ADAMTSL1: variants seen among roughly 807,000 people sequenced by gnomAD.
ADAMTSL1 encodes the protein ADAMTS-like protein 1.
In ADAMTSL1, 126 loss-of-function variants were observed where a neutral mutation model predicts 201.8. The ratio of observed to expected loss-of-function variants is 0.62; its 90% CI spans 0.54 to 0.72. The LOEUF (loss-of-function observed/expected upper bound fraction) is 0.72. Ranked by LOEUF, ADAMTSL1 falls within the 30% of genes least tolerant of loss-of-function variation. The pLI is 0.00. For synonymous variants in ADAMTSL1, 1,121 were observed against 903.4 expected, an observed-to-expected ratio of 1.24 and a Z score of -4.32; for missense variants, 2,679 against 2,277.8, an observed-to-expected ratio of 1.18 and a Z score of -3.59.
intron 1 of ADAMTSL1, among the ~76,000 whole-genome samples, chr9:17,968,597 A>G (rs889361651): frequency 1.7e-4 from 26 of 152,028 alleles, no homozygotes; most frequent in African/African-American, 5.8e-4. Flanking sequence ...TGTAGTTAGG[A>G]GGATGTTCTC....
intron 20 of ADAMTSL1, among the ~76,000 whole-genome samples, chr9:18,805,035 T>C (rs1563815291): frequency 6.6e-6 from 1 of 152,242 alleles, no homozygotes; most frequent in East Asian, 1.9e-4. Flanking sequence ...ATCACTGTCT[T>C]TTTTGTGTTT....
At chr9:18,852,414 CT>C (rs1218741283) in intron 23 of ADAMTSL1, among the ~76,000 whole-genome samples, 1 of 152,180 alleles carries the variant, frequency 6.6e-6, no homozygotes, top group Non-Finnish European at 1.5e-5. Flanking sequence ...GCTCTTGCCC[CT>C]GGCCACTGGA....
At chr9:18,500,886 T>A (rs1404063644) in intron 1 of ADAMTSL1, among the ~76,000 whole-genome samples, 5 of 152,190 alleles carry the variant, frequency 3.3e-5, no homozygotes, top group African/African-American at 1.2e-4. Context: ...CTAAAGACCA[T>A]CATCTCACAT....
chr9:18,389,999 A>G (rs2133217769), intron 2 of ADAMTSL1, among the ~76,000 whole-genome samples: 1 of 152,306 alleles, frequency 6.6e-6, no homozygotes, highest in Non-Finnish European at 1.5e-5. Flanking sequence ...AGAATACAAT[A>G]TGTGCAATGA....
chr9:18,295,018 T>C (rs1221406500), intron 2 of ADAMTSL1, among the ~76,000 whole-genome samples: 1 of 152,094 alleles, frequency 6.6e-6, no homozygotes. Flanking sequence ...TGTGGCTGTC[T>C]CTCCCTTCTC....
chr9:18,848,748 G>C, intron 23 of ADAMTSL1, among the ~76,000 whole-genome samples: 1 of 152,194 alleles, frequency 6.6e-6, no homozygotes, highest in East Asian at 1.9e-4. Context: ...AGGCATTGTT[G>C]GCTATAAGGC....
chr9:18,308,976 G>T (rs1834013905), intron 2 of ADAMTSL1, among the ~76,000 whole-genome samples: 1 of 152,074 alleles, frequency 6.6e-6, no homozygotes, highest in Non-Finnish European at 1.5e-5. Flanking sequence ...ACATCAAAAA[G>T]CTTATCCACC....
At chr9:18,050,163 A>T (rs1261874911) in intron 1 of ADAMTSL1, among the ~76,000 whole-genome samples, 1 of 152,246 alleles carries the variant, frequency 6.6e-6, no homozygotes, top group Non-Finnish European at 1.5e-5. Flanking sequence ...AAGTCTCATT[A>T]TATAGAAGAC....
Position 18,170,743 on chromosome 9 carries a change from C to G in ADAMTSL1, c.207+6762C>G, listed in dbSNP as rs141803210. Among the ~76,000 whole-genome samples the G allele has an allele frequency of 4.2e-3, 646 of 152,176 alleles. 5 individuals are homozygous for G. The highest frequency in any genetic ancestry group is 0.015 in the African/African-American group (617 of 41,552). ...TAGTAAACTACTGGTTAGCAGGCCC[C>G]TCTCAGAAAGGCCAGCCCATGCTCT... On this transcript the variant is annotated intron_variant, in intron 2 of 29. Coordinates refer to the ADAMTSL1 transcript ENST00000680146.
chr9:17,922,568 C>G (rs1167641309), intron 1 of ADAMTSL1, among the ~76,000 whole-genome samples: 1 of 152,098 alleles, frequency 6.6e-6, no homozygotes, highest in Admixed American at 6.6e-5. Flanking sequence ...ACAGAGGATT[C>G]AGACACATTT....
intron 15 of ADAMTSL1, among the ~76,000 whole-genome samples, chr9:18,733,811 T>G (rs1419772264): frequency 6.6e-6 from 1 of 152,028 alleles, no homozygotes; most frequent in African/African-American, 2.4e-5. Flanking sequence ...GCCTTTTGAC[T>G]ACCCAAATTC....
intron 26 of ADAMTSL1, among the ~76,000 whole-genome samples, chr9:18,895,036 C>T (rs765065971): frequency 1.3e-5 from 2 of 152,184 alleles, no homozygotes; most frequent in African/African-American, 4.8e-5. Flanking sequence ...TTATTTTATA[C>T]ATACGGTGCA....
At chr9:18,604,649 C>G (rs1296353546) in intron 4 of ADAMTSL1, among the ~76,000 whole-genome samples, 1 of 152,006 alleles carries the variant, frequency 6.6e-6, no homozygotes, top group East Asian at 1.9e-4. Context: ...ACATTTTATC[C>G]ATTTGGCATC....
At chr9:18,285,188 G>A (rs1291938527) in intron 2 of ADAMTSL1, among the ~76,000 whole-genome samples, 4 of 152,082 alleles carry the variant, frequency 2.6e-5, no homozygotes, top group South Asian at 4.1e-4. Flanking sequence ...AAAAGTGTCC[G>A]TTCCTTTGTA....
At chr9:17,974,132 C>G (rs1191653820) in intron 1 of ADAMTSL1, among the ~76,000 whole-genome samples, 2 of 151,926 alleles carry the variant, frequency 1.3e-5, no homozygotes, top group African/African-American at 2.4e-5. Flanking sequence ...AACCCACAGC[C>G]AATATCATAC....
intron 23 of ADAMTSL1, among the ~76,000 whole-genome samples, chr9:18,855,078 A>G (rs1200650080): frequency 6.6e-6 from 1 of 152,184 alleles, no homozygotes; most frequent in African/African-American, 2.4e-5. Flanking sequence ...TGTGCCAAGA[A>G]TTCTGATATC....
chr9:18,714,401 T>C (rs1425401914), intron 14 of ADAMTSL1, among the ~76,000 whole-genome samples: 2 of 152,114 alleles, frequency 1.3e-5, no homozygotes, highest in Admixed American at 6.5e-5. Context: ...CAATAAAAAA[T>C]GATAAAGGGG....
chr9:17,959,421 A>C (rs1817633665), intron 1 of ADAMTSL1, among the ~76,000 whole-genome samples: 1 of 151,988 alleles, frequency 6.6e-6, no homozygotes, highest in Admixed American at 6.6e-5. Context: ...ATATGTGACA[A>C]TTAGGTTAAT....
At chr9:18,844,931 T>A (rs1241820724) in intron 23 of ADAMTSL1, among the ~76,000 whole-genome samples, 4 of 152,212 alleles carry the variant, frequency 2.6e-5, no homozygotes, top group African/African-American at 9.6e-5. Context: ...ATTTTCCAGG[T>A]GCCGTCTGTC....
Sources: allele counts gnomAD v4.1 joint callset (sites outside exome capture counted in the v4.1 genomes callset), GRCh38; gene constraint gnomAD v4.1.1; transcripts MANE v1.5; gene names NCBI Gene and HGNC (gene_info 2026-07-23, HGNC 2026-07-21).